Variants in DOK5 observed in about 807,000 individuals in gnomAD.
The protein encoded by DOK5 is downstream of tyrosine kinase 5.
Under a neutral mutation model 43.3 loss-of-function variants are expected in DOK5, and 27 were observed. The ratio of observed to expected loss-of-function variants is 0.62; its 90% CI spans 0.46 to 0.86. DOK5 has a LOEUF of 0.86. DOK5 is among the 40% of genes least tolerant of loss of function. DOK5 has a pLI of 0.00. For synonymous variants in DOK5, 146 were observed against 140.1 expected, an observed-to-expected ratio of 1.04 and a Z score of -0.30; for missense variants, 373 against 392.9, an observed-to-expected ratio of 0.95 and a Z score of 0.43.
chr20:54,577,084 A>G (rs1012575452), intron 2 of DOK5, among the ~76,000 whole-genome samples: 7 of 152,182 alleles, frequency 4.6e-5, no homozygotes, highest in Non-Finnish European at 8.8e-5. Flanking sequence ...AGTATTAGGA[A>G]AAACATACTT....
intron 2 of DOK5, among the ~76,000 whole-genome samples, chr20:54,575,694 G>C (rs1468152734): frequency 1.3e-5 from 2 of 152,176 alleles, no homozygotes; most frequent in African/African-American, 2.4e-5. Flanking sequence ...ACCCACCTTG[G>C]CCTCCCAAGG....
At chr20:54,626,909 G>A (rs931476463) in intron 6 of DOK5, among the ~76,000 whole-genome samples, 6 of 152,162 alleles carry the variant, frequency 3.9e-5, no homozygotes, top group African/African-American at 1.4e-4. Context: ...AATTTTATTG[G>A]AACACAGCTA....
chr20:54,553,288 C>T (rs1401648137), intron 1 of DOK5, among the ~76,000 whole-genome samples: 5 of 152,100 alleles, frequency 3.3e-5, no homozygotes, highest in East Asian at 2.0e-4. Flanking sequence ...CTCCGCCTCC[C>T]GGGTTCACGC....
intron 5 of DOK5, among the ~76,000 whole-genome samples, chr20:54,604,806 GC>G (rs1303312969): frequency 6.6e-6 from 1 of 151,950 alleles, no homozygotes; most frequent in Non-Finnish European, 1.5e-5. Context: ...TTCGAGACCA[GC>G]CTGGCCAAGA....
intron 2 of DOK5, among the ~76,000 whole-genome samples, chr20:54,564,724 C>T (rs1170725306): frequency 1.3e-5 from 2 of 152,182 alleles, no homozygotes; most frequent in Non-Finnish European, 1.5e-5. Flanking sequence ...GCAGGAGTCA[C>T]AAACGTTGGA....
intron 6 of DOK5, among the ~76,000 whole-genome samples, chr20:54,623,987 G>T (rs1228389190): frequency 1.3e-5 from 2 of 152,196 alleles, no homozygotes; most frequent in East Asian, 3.8e-4. Context: ...TTTGAATGAT[G>T]GAGCCGAGAG....
intron 2 of DOK5, among the ~76,000 whole-genome samples, chr20:54,562,242 G>T (rs1481357186): frequency 6.6e-6 from 1 of 152,082 alleles, no homozygotes; most frequent in Admixed American, 6.5e-5. Flanking sequence ...ATGATTCTTG[G>T]CCTACTTATA....
intron 6 of DOK5, among the ~76,000 whole-genome samples, chr20:54,635,864 G>A (rs1978800133): frequency 6.6e-6 from 1 of 152,122 alleles, no homozygotes; most frequent in South Asian, 2.1e-4. Flanking sequence ...TTATGTAAAT[G>A]GAATATCTTA....
chr20:54,496,921 T>C (rs1305272071), intron 1 of DOK5, among the ~76,000 whole-genome samples: 4 of 152,154 alleles, frequency 2.6e-5, no homozygotes, highest in African/African-American at 9.7e-5. Context: ...TTCTGGCCTC[T>C]TAGTAACCAC....
At chr20:54,554,873 A>C in intron 1 of DOK5, 60 bp from the exon 2 acceptor site, 1 of 1,070,404 alleles carries the variant, frequency 9.3e-7, no homozygotes, top group East Asian at 2.4e-5. Flanking sequence ...AAAAGAAAAC[A>C]TTTAAATGCA....
chr20:54,521,685 G>A (rs1271859616), intron 1 of DOK5, among the ~76,000 whole-genome samples: 2 of 152,164 alleles, frequency 1.3e-5, no homozygotes, highest in Non-Finnish European at 2.9e-5. Flanking sequence ...ACTTAGGCAT[G>A]ATTAATTGAA....
At chr20:54,552,047 C>T (rs1471655236) in intron 1 of DOK5, among the ~76,000 whole-genome samples, 1 of 152,158 alleles carries the variant, frequency 6.6e-6, no homozygotes, top group East Asian at 1.9e-4. Flanking sequence ...AGACTGGTCT[C>T]AAACTCCTGG....
chr20:54,477,132 T>G (rs1372752057), intron 1 of DOK5, among the ~76,000 whole-genome samples: 2 of 152,160 alleles, frequency 1.3e-5, no homozygotes, highest in African/African-American at 4.8e-5. Context: ...ATGCCGCCAT[T>G]GATAATGAGT....
chr20:54,597,370 T>C (rs1986175272), intron 5 of DOK5, among the ~76,000 whole-genome samples: 1 of 152,166 alleles, frequency 6.6e-6, no homozygotes, highest in South Asian at 2.1e-4. Context: ...AGGCACAGAA[T>C]AGTCCTTGAC....
chr20:54,555,246 C>CTGTAGCT, intron 2 of DOK5: 1 of 519,810 alleles, frequency 1.9e-6, no homozygotes, highest in South Asian at 2.1e-5. Flanking sequence ...CTGCTATTTG[C>CTGTAGCT]TGTAGCTGTT....
intron 1 of DOK5, among the ~76,000 whole-genome samples, chr20:54,520,857 C>T (rs1983368336): frequency 6.6e-6 from 1 of 152,138 alleles, no homozygotes; most frequent in Non-Finnish European, 1.5e-5. Context: ...ATACAGAGTC[C>T]TTCATGGCCT....
At chr20:54,615,575 G>C (rs1002737305) in intron 6 of DOK5, among the ~76,000 whole-genome samples, 6 of 152,142 alleles carry the variant, frequency 3.9e-5, no homozygotes, top group Non-Finnish European at 7.4e-5. Context: ...TGGAAGAAGG[G>C]ACTGTGAGCC....
At chr20:54,549,242 A>G (rs758709459) in intron 1 of DOK5, among the ~76,000 whole-genome samples, 12 of 152,258 alleles carry the variant, frequency 7.9e-5, no homozygotes, top group Admixed American at 2.0e-4. Flanking sequence ...GTTTTGACTC[A>G]GTAGACCTCG....
intron 6 of DOK5, among the ~76,000 whole-genome samples, chr20:54,613,644 C>T (rs895995174): frequency 1.3e-5 from 2 of 152,118 alleles, no homozygotes; most frequent in African/African-American, 4.8e-5. Context: ...ATATCATCTG[C>T]AACATCATAT....
Sources: allele counts gnomAD v4.1 joint callset (sites outside exome capture counted in the v4.1 genomes callset), GRCh38; gene constraint gnomAD v4.1.1; transcripts MANE v1.5; gene names NCBI Gene and HGNC (gene_info 2026-07-23, HGNC 2026-07-21).